PRKCH: variants seen among roughly 807,000 people sequenced by gnomAD.
PRKCH encodes the protein protein kinase C eta type.
A neutral mutation model predicts 82.5 loss-of-function variants in PRKCH; 28 were observed. That is an observed-to-expected ratio of 0.34 (90% CI 0.25 to 0.47). The LOEUF (loss-of-function observed/expected upper bound fraction) is 0.47, where lower values mean the gene tolerates loss of function less well. Among genes scored for constraint, PRKCH ranks in the 20% least tolerant of loss-of-function variants. The pLI is 1.00. For synonymous variants in PRKCH, 322 were observed against 327.4 expected, an observed-to-expected ratio of 0.98 and a Z score of 0.18; for missense variants, 705 against 881.8, an observed-to-expected ratio of 0.80 and a Z score of 2.54.
chr14:61,548,161 G>A (rs1162105854), intron 13 of PRKCH, among the ~76,000 whole-genome samples: 2 of 152,242 alleles, frequency 1.3e-5, no homozygotes, highest in Non-Finnish European at 2.9e-5. Context: ...TAGGGTATAA[G>A]AGGCCTGAAA....
intron 1 of PRKCH, among the ~76,000 whole-genome samples, chr14:61,244,888 C>G (rs1448934680): frequency 6.6e-6 from 1 of 152,150 alleles, no homozygotes; most frequent in African/African-American, 2.4e-5. Context: ...GTCTTTGAGG[C>G]TTATGGTTAT....
At chr14:61,253,977 T>TCCCC (rs1165221284) in intron 1 of PRKCH, among the ~76,000 whole-genome samples, 3 of 74,092 alleles carry the variant, frequency 4.0e-5, no homozygotes, top group Admixed American at 1.6e-4. Context: ...CCTCCCTCCC[T>TCCCC]CCTCCCTCCC....
At chr14:61,519,850 T>C (rs1016451674) in intron 10 of PRKCH, among the ~76,000 whole-genome samples, 10 of 150,292 alleles carry the variant, frequency 6.7e-5, no homozygotes, top group Non-Finnish European at 1.0e-4. Context: ...AGACACTTAG[T>C]AGACATTAAG....
At chr14:61,258,162 T>A (rs2045016186) in intron 1 of PRKCH, among the ~76,000 whole-genome samples, 1 of 152,138 alleles carries the variant, frequency 6.6e-6, no homozygotes, top group Non-Finnish European at 1.5e-5. Flanking sequence ...AAATTAGAAA[T>A]GTGTGATGGA....
At chr14:61,451,114 A>C in intron 6 of PRKCH, 143 bp downstream of exon 6, 1 of 1,145,132 alleles carries the variant, frequency 8.7e-7, no homozygotes, top group African/African-American at 1.6e-5. Context: ...TTTTAAACTT[A>C]CATGTTTCTT....
At chr14:61,340,884 C>A (rs2045923112) in intron 1 of PRKCH, among the ~76,000 whole-genome samples, 1 of 152,218 alleles carries the variant, frequency 6.6e-6, no homozygotes, top group South Asian at 2.1e-4. Context: ...TCCTTTACCT[C>A]TTTCCCCACC....
intron 9 of PRKCH, among the ~76,000 whole-genome samples, chr14:61,467,517 G>A (rs1885313737): frequency 6.6e-6 from 1 of 152,240 alleles, no homozygotes; most frequent in Non-Finnish European, 1.5e-5. Context: ...ACCCTACAGT[G>A]GCATTACTGC....
At chr14:61,313,256 T>C (rs550494366) in intron 1 of PRKCH, among the ~76,000 whole-genome samples, 1 of 152,366 alleles carries the variant, frequency 6.6e-6, no homozygotes, top group African/African-American at 2.4e-5. Context: ...AATTTGGTTA[T>C]GACTTGTAGT....
chr14:61,493,314 C>T (rs529852700), intron 10 of PRKCH, among the ~76,000 whole-genome samples: 185 of 152,286 alleles, frequency 1.2e-3, no homozygotes, highest in African/African-American at 3.1e-3. Context: ...GACAGGGTCA[C>T]GTCCTTGTCT....
At chr14:61,189,315 A>G (rs1199751305) in intron 1 of PRKCH, among the ~76,000 whole-genome samples, 1 of 152,228 alleles carries the variant, frequency 6.6e-6, no homozygotes, top group Non-Finnish European at 1.5e-5. Context: ...AACAGAAACG[A>G]GGCAAAGTCC....
intron 3 of PRKCH, among the ~76,000 whole-genome samples, chr14:61,443,810 G>A (rs1402428870): frequency 1.3e-5 from 2 of 152,120 alleles, no homozygotes; most frequent in East Asian, 3.8e-4. Context: ...GAGATTTGGG[G>A]CAATATCTTA....
chr14:61,210,988 C>A (rs906019059), intron 1 of PRKCH, among the ~76,000 whole-genome samples: 3 of 152,170 alleles, frequency 2.0e-5, no homozygotes, highest in African/African-American at 7.2e-5. Context: ...GCTGTCTCTG[C>A]ATCTTGTGTT....
chr14:61,405,064 C>A (rs1881865343), intron 2 of PRKCH, among the ~76,000 whole-genome samples: 1 of 152,212 alleles, frequency 6.6e-6, no homozygotes, highest in African/African-American at 2.4e-5. Flanking sequence ...AGCACAGCAT[C>A]ACATCTATTT....
intron 10 of PRKCH, among the ~76,000 whole-genome samples, chr14:61,515,464 T>C (rs2042811294): frequency 6.6e-6 from 1 of 152,202 alleles, no homozygotes; most frequent in African/African-American, 2.4e-5. Context: ...TTAAACCAGC[T>C]TTTTGTCATT....
rs549880541 is a variant in PRKCH, at chr14:61,499,539, C to G, written c.1433+13883C>G. Reference sequence around the variant, plus strand: ...CCTCCCTTTTCACTGCTCCTCTGGCCTCCAGAGTAGCCATGTAAGCCTGTG... The same window carrying G: ...CCTCCCTTTTCACTGCTCCTCTGGCGTCCAGAGTAGCCATGTAAGCCTGTG... On this transcript the variant is annotated intron_variant, in intron 10 of 13. Transcript: ENST00000332981. Among the ~76,000 whole-genome samples, 12 of 152,204 alleles carry G rather than the reference C, an allele frequency of 7.9e-5. No homozygotes were observed. The South Asian group carries it at 2.3e-3, about 29-fold the overall frequency.
At chr14:61,357,118 C>T (rs1249342736) in intron 1 of PRKCH, among the ~76,000 whole-genome samples, 1 of 152,220 alleles carries the variant, frequency 6.6e-6, no homozygotes, top group Non-Finnish European at 1.5e-5. Context: ...AATTCTATGG[C>T]ATATCTGCAC....
chr14:61,542,258 C>T (rs1343645137), intron 12 of PRKCH, among the ~76,000 whole-genome samples: 2 of 151,720 alleles, frequency 1.3e-5, no homozygotes, highest in Non-Finnish European at 2.9e-5. Context: ...CACCATTGCA[C>T]TCCAGCCTAG....
At chr14:61,303,752 T>A (rs973363648) in intron 1 of PRKCH, 3 of 151,882 alleles carry the variant, frequency 2.0e-5, no homozygotes, top group African/African-American at 7.2e-5. Flanking sequence ...TTTTTGTTTG[T>A]TTCTCATTTC....
intron 1 of PRKCH, among the ~76,000 whole-genome samples, chr14:61,215,641 T>C (rs1269934140): frequency 3.9e-5 from 6 of 152,194 alleles, no homozygotes; most frequent in African/African-American, 1.4e-4. Flanking sequence ...TTATGAACAA[T>C]AGGTATTTGA....
Sources: allele counts gnomAD v4.1 joint callset (sites outside exome capture counted in the v4.1 genomes callset), GRCh38; gene constraint gnomAD v4.1.1; transcripts MANE v1.5; gene names NCBI Gene and HGNC (gene_info 2026-07-23, HGNC 2026-07-21).